CEP43: variants seen among roughly 807,000 people sequenced by gnomAD.
The protein encoded by CEP43 is FGFR1 oncogene partner.
CEP43 carries 36 observed loss-of-function variants against 52.6 expected under a neutral mutation model. The ratio of observed to expected loss-of-function variants is 0.68; its 90% CI spans 0.52 to 0.90. The LOEUF (loss-of-function observed/expected upper bound fraction) is 0.90, where lower values mean the gene tolerates loss of function less well. Ranked by LOEUF, CEP43 falls within the 40% of genes least tolerant of loss-of-function variation. The probability of loss-of-function intolerance (pLI) is 0.00; values close to 1 mark genes in which losing one functional copy is unlikely to be tolerated. For missense variants in CEP43, 506 were observed against 472.8 expected, an observed-to-expected ratio of 1.07 and a Z score of -0.65; for synonymous variants, 192 against 172.4, an observed-to-expected ratio of 1.11 and a Z score of -0.89.
At chr6:167,013,835 T>C (rs1034419513) in intron 7 of CEP43, among the ~76,000 whole-genome samples, 1 of 152,078 alleles carries the variant, frequency 6.6e-6, no homozygotes, top group Non-Finnish European at 1.5e-5. Flanking sequence ...TAGCCGGCCG[T>C]GGTGGTGTGC....
At position 167,003,156 on chromosome 6, in the gene CEP43, T is replaced by G. The variant is rs201343686; in HGVS notation, c.157-37T>G. On this transcript the variant is annotated intron_variant, in intron 2 of 12. Transcript: ENST00000366847. ...TTATATTTTGTAGTTGTTTTTAGGG[T>G]AAACACATGACACTTAAATTTTTTT... is the stretch of plus-strand genomic sequence containing the variant. The G allele has an allele frequency of 6.3e-6, 6 of 951,614 alleles. No individual in the cohort carries two copies. In the East Asian group the frequency reaches 1.6e-4, roughly 25 times the overall value. 58.9% of individuals were successfully genotyped at this position (951,614 alleles called of 1,614,324 possible).
chr6:167,009,835 CAA>C (rs1016878429), intron 5 of CEP43, among the ~76,000 whole-genome samples: 1 of 148,770 alleles, frequency 6.7e-6, no homozygotes, highest in Non-Finnish European at 1.5e-5. Context: ...GACCCTGTTT[CAA>C]AAAAAAGAAA....
rs767839767 is a variant in CEP43 at position 167,000,061 on chromosome 6, C to T, written c.104C>T (p.Ala35Val). The T allele has an allele frequency of 3.1e-6, 5 of 1,610,942 alleles. No homozygotes were observed. The highest frequency in any genetic ancestry group is 4.2e-6 in the Non-Finnish European group (5 of 1,177,926). ...ENSGVLNRIKAELRAAVFLAL... is the reference protein window; with the variant it reads ...ENSGVLNRIKVELRAAVFLAL... ...CCTGTTTCTTAACTTTTTTTTAAGGCTGAACTCCGAGCAGCTGTGTTTTTA... is the reference window on the plus strand; with the variant it reads ...CCTGTTTCTTAACTTTTTTTTAAGGTTGAACTCCGAGCAGCTGTGTTTTTA... Residue 35 changes from alanine (A) to valine (V), a missense_variant and splice_region_variant, in exon 2 of 13, where the codon GCT becomes GTT. Transcript: ENST00000366847.
In CEP43 at chr6:167,051,944, G is replaced by A. The variant is rs932868030; in HGVS notation, c.*11966G>A. On this transcript the variant is annotated 3_prime_UTR_variant, in exon 13 of 13. Coordinates refer to ENST00000366847, the MANE Select transcript of CEP43 (RefSeq NM_007045.4). ...TTTAGTGTTACTATTGATATGGCTG[G>A]ATTTGTGTCTGCAATTTTAATTTTT... The A allele has an allele frequency of 6.6e-6, 1 of 152,112 alleles. No individual in the cohort carries two copies. The highest frequency in any genetic ancestry group is 2.4e-5 in the African/African-American group (1 of 41,420). The allele number at this position is 152,112 out of a possible 1,614,324, so 9.4% of individuals were successfully genotyped here.
In CEP43 at chr6:167,042,839, T is replaced by TGTGTGTGTGTGTG. The variant is rs1554277254; in HGVS notation, c.*2861_*2862insGTGTGTGTGTGTG. 4 of 153,074 alleles carry TGTGTGTGTGTGTG rather than the reference T, an allele frequency of 2.6e-5. No homozygotes were observed. The highest frequency in any genetic ancestry group is 4.3e-5 in the Non-Finnish European group (3 of 69,100). The allele number at this position is 153,074 out of a possible 1,614,324, so 9.5% of individuals were successfully genotyped here. Reference sequence around the variant, plus strand: ...TTGTGTGTGTGTGTGTGTGTGTGTGTTTAACTATGAGCTCGTGAGAACAGG... The same window carrying TGTGTGTGTGTGTG: ...TTGTGTGTGTGTGTGTGTGTGTGTGTGTGTGTGTGTGTGTTAACTATGAGCTCGTGAGAACAGG... On this transcript the variant is annotated 3_prime_UTR_variant, in exon 13 of 13. Transcript: ENST00000366847.
intron 5 of CEP43, 58 bp downstream of exon 5, chr6:167,004,459 C>T: frequency 3.4e-6 from 5 of 1,483,966 alleles, no homozygotes; most frequent in Non-Finnish European, 4.5e-6. Flanking sequence ...TTAGTTTAGC[C>T]ATGCAGATTA....
intron 10 of CEP43, chr6:167,028,132 C>T (rs1165102128): frequency 3.3e-5 from 33 of 985,568 alleles, no homozygotes; most frequent in African/African-American, 2.3e-4. Flanking sequence ...CCGTGATGGC[C>T]GCCTTGTCCC....
intron 12 of CEP43, among the ~76,000 whole-genome samples, chr6:167,037,475 T>C (rs1780607451): frequency 6.6e-6 from 1 of 152,222 alleles, no homozygotes; most frequent in African/African-American, 2.4e-5. Flanking sequence ...TCTGCAAGCT[T>C]TTCTGACTTT....
intron 11 of CEP43, among the ~76,000 whole-genome samples, chr6:167,033,237 T>C (rs984453822): frequency 6.6e-6 from 1 of 150,826 alleles, no homozygotes; most frequent in Admixed American, 6.6e-5. Context: ...CAGCTTCCCA[T>C]GTAGCTGGGA....
rs1780325369 is a variant in CEP43 at position 167,025,099 on chromosome 6, C to T, written c.919+205C>T. On this transcript the variant is annotated intron_variant, in intron 9 of 12. Coordinates refer to ENST00000366847, the MANE Select transcript of CEP43 (RefSeq NM_007045.4). ...TTTATATGTTGTTTTGTATTCTGGC[C>T]CTTCCTATACCTATATACCATCGGA... The T allele has an allele frequency of 1.1e-5, 5 of 463,570 alleles. No homozygotes were observed. The South Asian group carries it at 1.8e-4, about 17-fold the overall frequency. The allele number at this position is 463,570 out of a possible 1,614,324, so 28.7% of individuals were successfully genotyped here.
rs369556852 is a variant in CEP43 at position 167,041,109 on chromosome 6, G to A, written c.*1131G>A. 484 of 1,040,556 alleles carry A rather than the reference G, an allele frequency of 4.7e-4. 5 individuals are homozygous for A. The South Asian group carries it at 0.017, about 36-fold the overall frequency. The allele number at this position is 1,040,556 out of a possible 1,614,324, so 64.5% of individuals were successfully genotyped here. ...CACTTTATAATTTCAATTAAGTTGCGGCTTTTTACTACAAGTTAACTTTAT... is the reference window on the plus strand; with the variant it reads ...CACTTTATAATTTCAATTAAGTTGCAGCTTTTTACTACAAGTTAACTTTAT... On this transcript the variant is annotated 3_prime_UTR_variant, in exon 13 of 13. Transcript: ENST00000366847.
intron 5 of CEP43, among the ~76,000 whole-genome samples, chr6:167,006,506 A>G (rs1779857548): frequency 6.6e-6 from 1 of 152,166 alleles, no homozygotes; most frequent in African/African-American, 2.4e-5. Flanking sequence ...GCGAGACTCC[A>G]TCTCAAAAAA....
chr6:167,002,280 A>C (rs1349338313), intron 2 of CEP43, among the ~76,000 whole-genome samples: 1 of 152,092 alleles, frequency 6.6e-6, no homozygotes, highest in Non-Finnish European at 1.5e-5. Flanking sequence ...CTGTTTCTTC[A>C]ACATAATGCA....
intron 9 of CEP43, 184 bp downstream of exon 9, chr6:167,025,078 T>G: frequency 5.7e-6 from 3 of 523,838 alleles, no homozygotes; most frequent in Non-Finnish European, 1.0e-5. Flanking sequence ...TCCTATTTTA[T>G]ATGTTGTTTT....
Position 167,042,270 on chromosome 6 carries a change from G to C in CEP43, c.*2292G>C. ...GTTTTGCATGTGATGAGTGTTTTCT[G>C]TTAAAAAATAAATATTGAAATATTA... On this transcript the variant is annotated 3_prime_UTR_variant, in exon 13 of 13. Coordinates refer to ENST00000366847, the MANE Select transcript of CEP43 (RefSeq NM_007045.4). 5 of 1,005,424 alleles carry C rather than the reference G, an allele frequency of 5.0e-6. No individual in the cohort carries two copies. The highest frequency in any genetic ancestry group is 5.9e-6 in the Non-Finnish European group (5 of 840,670). 62.3% of individuals were successfully genotyped at this position (1,005,424 alleles called of 1,614,324 possible).
chr6:167,044,345 A>G lies in CEP43; in HGVS notation c.*4367A>G, dbSNP rs1780760022. 1.0e-6 allele frequency: 1 copy of G among 964,258 alleles called. No homozygotes were observed. The highest frequency in any genetic ancestry group is 1.2e-6 in the Non-Finnish European group (1 of 810,710). The allele number at this position is 964,258 out of a possible 1,614,324, so 59.7% of individuals were successfully genotyped here. On this transcript the variant is annotated 3_prime_UTR_variant, in exon 13 of 13. Coordinates refer to ENST00000366847, the MANE Select transcript of CEP43 (RefSeq NM_007045.4). Reference sequence around the variant, plus strand: ...AGATAATTCAGTAGCAGGGCTGAATAATGGGATGACTCAAAATCAGTAAGC... The same window carrying G: ...AGATAATTCAGTAGCAGGGCTGAATGATGGGATGACTCAAAATCAGTAAGC...
chr6:167,005,892 G>C (rs977255548), intron 5 of CEP43, among the ~76,000 whole-genome samples: 5 of 152,032 alleles, frequency 3.3e-5, no homozygotes, highest in African/African-American at 1.2e-4. Flanking sequence ...TTGTGCTTTG[G>C]CTCACCTCAT....
At chr6:167,000,491 C>T (rs890149311) in intron 2 of CEP43, among the ~76,000 whole-genome samples, 3 of 152,194 alleles carry the variant, frequency 2.0e-5, no homozygotes, top group East Asian at 1.9e-4. Flanking sequence ...CCAAAATTAT[C>T]TGACCACTCA....
At chr6:167,015,327 G>A (rs752537230) in intron 7 of CEP43, among the ~76,000 whole-genome samples, 5 of 152,172 alleles carry the variant, frequency 3.3e-5, no homozygotes, top group Non-Finnish European at 7.4e-5. Context: ...ACCCCATGTG[G>A]CCTATTGCCA....
Sources: allele counts gnomAD v4.1 joint callset (sites outside exome capture counted in the v4.1 genomes callset), GRCh38; gene constraint gnomAD v4.1.1; transcripts MANE v1.5; gene names NCBI Gene and HGNC (gene_info 2026-07-23, HGNC 2026-07-21).